The following RUBCNL variants were observed in gnomAD, a reference collection of about 807,000 sequenced individuals.
RUBCNL encodes the protein rubicon like autophagy enhancer, also known as protein associated with UVRAG as autophagy enhancer.
RUBCNL carries 62 observed loss-of-function variants against 69.5 expected under a neutral mutation model. That is an observed-to-expected ratio of 0.89 (90% CI 0.73 to 1.10). RUBCNL has a LOEUF of 1.10. RUBCNL is among the 50% of genes least tolerant of loss of function. RUBCNL has a pLI of 0.00. For synonymous variants in RUBCNL, 291 were observed against 303.6 expected (o/e 0.96, Z 0.43); for missense variants, 768 against 798.1 (o/e 0.96, Z 0.45).
In RUBCNL at chr13:46,338,177, C is replaced by A. The variant is rs1347012711; in HGVS notation, c.*5208G>T. On this transcript the variant is annotated 3_prime_UTR_variant, in exon 15 of 15. Transcript: ENST00000429979. ...ATGCAAGAGTACAAATACAGGTCCA[C>A]ATGCCATATATCCAAGTATTTAAAA... Among the ~76,000 whole-genome samples, 2 of 152,250 alleles carry A rather than the reference C, an allele frequency of 1.3e-5. No homozygotes were observed. Among genetic ancestry groups the A allele is most frequent in the Admixed American group, 6.5e-5 (1 of 15,286 alleles).
chr13:46,355,839 A>G (rs905183805), intron 10 of RUBCNL, among the ~76,000 whole-genome samples: 1 of 152,262 alleles, frequency 6.6e-6, no homozygotes, highest in Non-Finnish European at 1.5e-5. Context: ...GACAGATAAT[A>G]ATAAGACATA....
chr13:46,365,894 A>G (rs1376846264), intron 5 of RUBCNL, among the ~76,000 whole-genome samples: 1 of 152,244 alleles, frequency 6.6e-6, no homozygotes, highest in African/African-American at 2.4e-5. Context: ...AGTTGAAAGT[A>G]AAGAGAGAAA....
At position 46,359,644 on chromosome 13, in the gene RUBCNL, TA is replaced by T; in HGVS notation, c.1120-14del. The T allele has an allele frequency of 1.3e-6, 2 of 1,548,208 alleles. No individual in the cohort carries two copies. Among genetic ancestry groups the T allele is most frequent in the Non-Finnish European group, 1.7e-6 (2 of 1,143,676 alleles). The stretch of plus-strand genomic sequence containing the variant: ...CTTCATTTACGACCTGCATAAGACA[TA>T]AAATGATTTAGGAACAACTTAAGCA... On this transcript the variant is annotated splice_polypyrimidine_tract_variant and intron_variant, in intron 8 of 14. Transcript: ENST00000429979.
At position 46,377,744 on chromosome 13, in the gene RUBCNL, A is replaced by G. The variant is rs574885001; in HGVS notation, c.-123+146T>C. 145 of 525,134 alleles carry G rather than the reference A, an allele frequency of 2.8e-4. 2 individuals are homozygous for G. Among genetic ancestry groups the G allele is most frequent in the African/African-American group, 1.7e-3 (90 of 51,750 alleles). 32.5% of individuals were successfully genotyped at this position (525,134 alleles called of 1,614,324 possible). A position where few individuals can be genotyped will look rare whatever the true frequency, so the allele number is the denominator to read the frequency against. On this transcript the variant is annotated intron_variant, in intron 2 of 14. Transcript: ENST00000429979. The stretch of plus-strand genomic sequence containing the variant: ...TTCTAGAAAAGTGTTGTTGCTTCAC[A>G]AAAATAACCAGCAGGTGCTGCTTTG...
intron 9 of RUBCNL, among the ~76,000 whole-genome samples, chr13:46,356,781 A>G (rs910009155): frequency 1.3e-5 from 2 of 151,872 alleles, no homozygotes; most frequent in Non-Finnish European, 2.9e-5. Context: ...ATAGTTCACT[A>G]CTGCCTCAAA....
chr13:46,366,978 A>G (rs2048771019), intron 5 of RUBCNL, among the ~76,000 whole-genome samples: 1 of 152,222 alleles, frequency 6.6e-6, no homozygotes, highest in South Asian at 2.1e-4. Flanking sequence ...GATTCAGGAG[A>G]TAATAGCTGA....
chr13:46,359,418 G>A (rs2048561156), intron 9 of RUBCNL, 68 bp downstream of exon 9: 2 of 1,345,268 alleles, frequency 1.5e-6, no homozygotes, highest in East Asian at 2.5e-5. Context: ...TACTGCCATA[G>A]AGTCAGGTGG....
At chr13:46,368,710 A>C in intron 4 of RUBCNL, 23 bp downstream of exon 4, 4 of 1,592,674 alleles carry the variant, frequency 2.5e-6, no homozygotes, top group Non-Finnish European at 3.4e-6. Flanking sequence ...TCTATGGTTA[A>C]AAAGAAAGAA....
At chr13:46,352,317 T>C (rs765196935) in intron 10 of RUBCNL, among the ~76,000 whole-genome samples, 1 of 152,364 alleles carries the variant, frequency 6.6e-6, no homozygotes, top group East Asian at 1.9e-4. Flanking sequence ...GGTTCTGACA[T>C]GAACCAAGTT....
At chr13:46,357,224 T>C (rs1164677450) in intron 9 of RUBCNL, among the ~76,000 whole-genome samples, 2 of 151,140 alleles carry the variant, frequency 1.3e-5, no homozygotes, top group Non-Finnish European at 2.9e-5. Flanking sequence ...TCCCAGCTAC[T>C]TCGGAGGCTG....
At chr13:46,384,981 G>C (rs780661358) in intron 1 of RUBCNL, among the ~76,000 whole-genome samples, 3 of 152,066 alleles carry the variant, frequency 2.0e-5, no homozygotes, top group Non-Finnish European at 4.4e-5. Context: ...TCCGTGTGTG[G>C]GATAAAAGAC....
chr13:46,388,283 A>AC (rs761615779), upstream of RUBCNL, among the ~76,000 whole-genome samples: 30 of 137,906 alleles, frequency 2.2e-4, no homozygotes, highest in South Asian at 1.1e-3. Flanking sequence ...GCAGGAAGGA[A>AC]CCCAAGGGAG....
At chr13:46,379,974 A>T (rs1218281738) in intron 1 of RUBCNL, among the ~76,000 whole-genome samples, 2 of 152,272 alleles carry the variant, frequency 1.3e-5, no homozygotes, top group Non-Finnish European at 2.9e-5. Flanking sequence ...AACAGTGTCC[A>T]GGAATTGCAG....
chr13:46,346,504 G>C (rs1216625675), intron 12 of RUBCNL, among the ~76,000 whole-genome samples: 1 of 152,154 alleles, frequency 6.6e-6, no homozygotes, highest in African/African-American at 2.4e-5. Context: ...GGTTGGTGCT[G>C]ACCATCCCCC....
intron 2 of RUBCNL, 131 bp from the exon 3 acceptor site, chr13:46,372,728 G>A (rs529613564): frequency 2.8e-4 from 180 of 648,508 alleles, no homozygotes; most frequent in Middle Eastern, 1.5e-3. Context: ...AGTAAAGCCC[G>A]CTTGGATTTA....
At position 46,357,018 on chromosome 13, in the gene RUBCNL, C is replaced by T. The variant is rs796858794; in HGVS notation, c.1266-522G>A. Among the ~76,000 whole-genome samples, 25 of 149,576 alleles carry T rather than the reference C, an allele frequency of 1.7e-4. 2 individuals carry two copies. The highest frequency in any genetic ancestry group is 5.6e-4 in the African/African-American group (23 of 41,130). On this transcript the variant is annotated intron_variant, in intron 9 of 14. Transcript: ENST00000429979. Reference sequence around the variant, plus strand: ...TGCTGGAATTACAGGCATGAGCCGCCGTGCCCAGCCTTAAAGCTACATCTC... The same window carrying T: ...TGCTGGAATTACAGGCATGAGCCGCTGTGCCCAGCCTTAAAGCTACATCTC...
intron 8 of RUBCNL, 82 bp from the exon 9 acceptor site, chr13:46,359,713 C>A: frequency 7.8e-7 from 1 of 1,288,086 alleles, no homozygotes; most frequent in Non-Finnish European, 1.0e-6. Flanking sequence ...AAATGTATTT[C>A]CAACATTAAA....
intron 1 of RUBCNL, among the ~76,000 whole-genome samples, chr13:46,382,798 G>C (rs547275721): frequency 5.1e-4 from 77 of 152,124 alleles, no homozygotes; most frequent in Non-Finnish European, 8.8e-4. Flanking sequence ...GCCTCCCAAA[G>C]TGCTGGGATT....
intron 2 of RUBCNL, among the ~76,000 whole-genome samples, chr13:46,376,691 C>T (rs1213432523): frequency 6.6e-6 from 1 of 152,248 alleles, no homozygotes; most frequent in Non-Finnish European, 1.5e-5. Context: ...CCAAGCCCCA[C>T]AATCCTACTT....
Sources: allele counts gnomAD v4.1 joint callset (sites outside exome capture counted in the v4.1 genomes callset), GRCh38; gene constraint gnomAD v4.1.1; transcripts MANE v1.5; gene names NCBI Gene and HGNC (gene_info 2026-07-23, HGNC 2026-07-21).